The following INSC variants were observed in gnomAD, a reference collection of about 807,000 sequenced individuals.
INSC encodes INSC spindle orientation adaptor protein.
In INSC, 67 loss-of-function variants were observed where a neutral mutation model predicts 58.6. The observed-to-expected ratio is 1.14, with a 90% CI of 0.94 to 1.40. The LOEUF (loss-of-function observed/expected upper bound fraction) is 1.40, where lower values mean the gene tolerates loss of function less well. INSC is among the 40% of genes most tolerant of loss of function. INSC has a pLI of 0.00. For synonymous variants in INSC, 262 were observed against 276.1 expected, an observed-to-expected ratio of 0.95 and a Z score of 0.51; for missense variants, 714 against 692.0, an observed-to-expected ratio of 1.03 and a Z score of -0.36.
intron 7 of INSC, among the ~76,000 whole-genome samples, chr11:15,214,271 C>A (rs1163875037): frequency 2.0e-5 from 3 of 152,158 alleles, no homozygotes; most frequent in Admixed American, 6.5e-5. Flanking sequence ...TATTTTCCTG[C>A]AGCCTTTAGA....
chr11:15,258,034 C>A, the INSC span, among the ~76,000 whole-genome samples: 2 of 152,078 alleles, frequency 1.3e-5, no homozygotes, highest in Non-Finnish European at 2.9e-5. Flanking sequence ...CATATGAGAC[C>A]TTTATTTCAT....
intron 2 of INSC, among the ~76,000 whole-genome samples, chr11:15,169,481 A>G (rs1849317051): frequency 6.6e-6 from 1 of 152,208 alleles, no homozygotes; most frequent in South Asian, 2.1e-4. Context: ...GGCTCATGAT[A>G]TAAAACCAGA....
At chr11:15,168,352 G>T (rs545398704) in intron 2 of INSC, among the ~76,000 whole-genome samples, 1 of 151,336 alleles carries the variant, frequency 6.6e-6, no homozygotes, top group East Asian at 2.0e-4. Context: ...CCACTTATAA[G>T]TGAGAAAATG....
At chr11:15,135,142 C>A (rs148264726) in intron 1 of INSC, among the ~76,000 whole-genome samples, 251 of 152,152 alleles carry the variant, frequency 1.6e-3, no homozygotes, top group African/African-American at 5.8e-3. Flanking sequence ...TCAGGATGTG[C>A]TGGGGTGCCA....
chr11:15,201,903 C>T (rs1405769202), intron 7 of INSC, among the ~76,000 whole-genome samples: 7 of 152,082 alleles, frequency 4.6e-5, no homozygotes, highest in Non-Finnish European at 8.8e-5. Context: ...TCCTGGCAGC[C>T]CAAATAACTC....
intron 10 of INSC, among the ~76,000 whole-genome samples, chr11:15,237,336 C>A (rs542941112): frequency 1.3e-5 from 2 of 152,258 alleles, no homozygotes; most frequent in South Asian, 4.1e-4. Context: ...GGGTTTGAAT[C>A]CTGGCACTGT....
chr11:15,251,063 C>T (rs1442105122), downstream of INSC, among the ~76,000 whole-genome samples: 1 of 152,176 alleles, frequency 6.6e-6, no homozygotes, highest in Non-Finnish European at 1.5e-5. Context: ...CATTCTCATA[C>T]CTCTCTCCCC....
chr11:15,266,732 A>G, the INSC span, among the ~76,000 whole-genome samples: 1 of 152,030 alleles, frequency 6.6e-6, no homozygotes, highest in African/African-American at 2.4e-5. Flanking sequence ...CATAAAGTGG[A>G]AAAGGTCTCT....
At chr11:15,195,908 T>C (rs953986001) in intron 6 of INSC, among the ~76,000 whole-genome samples, 7 of 152,238 alleles carry the variant, frequency 4.6e-5, no homozygotes, top group African/African-American at 1.7e-4. Flanking sequence ...AGTGTTTTCA[T>C]GGGAAAAGTA....
intron 2 of INSC, among the ~76,000 whole-genome samples, chr11:15,175,304 G>A (rs1714377): frequency 0.52 from 78,844 of 151,986 alleles, 21,297 homozygotes; most frequent in East Asian, 0.94. Flanking sequence ...AAATAATTGC[G>A]TACTACATAA....
chr11:15,117,165 C>G (rs1847750747), intron 1 of INSC, among the ~76,000 whole-genome samples: 1 of 151,776 alleles, frequency 6.6e-6, no homozygotes, highest in Non-Finnish European at 1.5e-5. Context: ...TGGTCTTGAA[C>G]TCCTGACCTC....
intron 5 of INSC, among the ~76,000 whole-genome samples, chr11:15,178,768 C>G (rs1269553204): frequency 6.6e-6 from 1 of 152,092 alleles, no homozygotes; most frequent in Non-Finnish European, 1.5e-5. Context: ...CATTATTACT[C>G]CCACCCTTCC....
At chr11:15,114,408 C>T (rs1847641755), upstream of INSC, among the ~76,000 whole-genome samples, 1 of 152,178 alleles carries the variant, frequency 6.6e-6, no homozygotes, top group African/African-American at 2.4e-5. Context: ...AATAAACCGT[C>T]TCATTCTAGG....
intron 7 of INSC, among the ~76,000 whole-genome samples, chr11:15,218,462 A>C (rs1196717175): frequency 6.6e-6 from 1 of 152,052 alleles, no homozygotes; most frequent in Non-Finnish European, 1.5e-5. Context: ...GATTTTCTTG[A>C]TTTTATTTCT....
chr11:15,168,167 A>G (rs1240322673), intron 2 of INSC, among the ~76,000 whole-genome samples: 1 of 152,148 alleles, frequency 6.6e-6, no homozygotes, highest in Non-Finnish European at 1.5e-5. Flanking sequence ...CAGGTTTGTT[A>G]TATAGGTAAA....
intron 1 of INSC, among the ~76,000 whole-genome samples, chr11:15,141,793 CCTT>C (rs1848378726): frequency 6.6e-6 from 1 of 152,088 alleles, no homozygotes; most frequent in African/African-American, 2.4e-5. Flanking sequence ...TCTTTGCAGT[CCTT>C]CTTTCCACTC....
intron 2 of INSC, among the ~76,000 whole-genome samples, chr11:15,157,124 G>T (rs1848842099): frequency 6.6e-6 from 1 of 152,192 alleles, no homozygotes; most frequent in South Asian, 2.1e-4. Flanking sequence ...GGCAACTTCT[G>T]GGAACTGGGT....
chr11:15,207,628 G>A (rs536497501), intron 7 of INSC, among the ~76,000 whole-genome samples: 5 of 152,308 alleles, frequency 3.3e-5, no homozygotes, highest in African/African-American at 1.2e-4. Context: ...CCCTGGGCAG[G>A]AGGGAGTGGG....
rs576026524 is a variant in INSC, at chr11:15,240,506, G to A, written c.1453G>A (p.Val485Met). 41 of 1,613,600 alleles carry A rather than the reference G, an allele frequency of 2.5e-5. No homozygotes were observed. The highest frequency in any genetic ancestry group is 2.0e-4 in the Admixed American group (12 of 59,996). The change falls in exon 12 of 13, where the codon GTG becomes ATG. Residue 485 changes from valine to methionine, a missense_variant. Val to Met is a conservative substitution (Grantham distance 21). Transcript: ENST00000379556. Reference sequence around the variant, plus strand: ...ATCAGAGAGGAACAGCAGTGACGCCGTGCTTGTGGCCTGCCTGGTGAGTTC... The same window carrying A: ...ATCAGAGAGGAACAGCAGTGACGCCATGCTTGTGGCCTGCCTGGTGAGTTC... ...SPSERNSSDAVLVACLAALRR... is the reference protein window; with the variant it reads ...SPSERNSSDAMLVACLAALRR...
Sources: allele counts gnomAD v4.1 joint callset (sites outside exome capture counted in the v4.1 genomes callset), GRCh38; gene constraint gnomAD v4.1.1; transcripts MANE v1.5; gene names NCBI Gene and HGNC (gene_info 2026-07-23, HGNC 2026-07-21).